Variants in ABCB5 observed in about 807,000 individuals in gnomAD.
ABCB5 encodes the protein ATP binding cassette subfamily B member 5.
ABCB5 carries 155 observed loss-of-function variants against 144.2 expected under a neutral mutation model. The observed-to-expected ratio is 1.08, with a 90% CI of 0.94 to 1.23. ABCB5 has a LOEUF of 1.23. ABCB5 is among the 50% of genes most tolerant of loss of function. The pLI is 0.00. For synonymous variants in ABCB5, 610 were observed against 528.6 expected, an observed-to-expected ratio of 1.15 and a Z score of -2.11; for missense variants, 1,830 against 1,520.8, an observed-to-expected ratio of 1.20 and a Z score of -3.38.
At chr7:20,672,101 T>A (rs1785471110) in intron 14 of ABCB5, among the ~76,000 whole-genome samples, 1 of 152,180 alleles carries the variant, frequency 6.6e-6, no homozygotes, top group Admixed American at 6.5e-5. Flanking sequence ...ACCATCCACA[T>A]TTTTTTCTTT....
At chr7:20,677,793 T>C (rs1462840322) in intron 14 of ABCB5, among the ~76,000 whole-genome samples, 2 of 152,196 alleles carry the variant, frequency 1.3e-5, no homozygotes, top group Non-Finnish European at 2.9e-5. Flanking sequence ...CTAGTCCCGC[T>C]GTTTAAATGA....
chr7:20,746,211 C>T (rs1357014526), intron 26 of ABCB5, among the ~76,000 whole-genome samples: 2 of 152,168 alleles, frequency 1.3e-5, no homozygotes, highest in African/African-American at 4.8e-5. Flanking sequence ...AATTCTCCTG[C>T]CTCAGCCTCC....
Position 20,623,289 on chromosome 7 carries a change from G to A in ABCB5, c.4G>A (p.Glu2Lys). 1 of 1,542,194 alleles carries A rather than the reference G, an allele frequency of 6.5e-7. No homozygotes were observed. Among genetic ancestry groups the A allele is most frequent in the Non-Finnish European group, 8.8e-7 (1 of 1,138,242 alleles). M[E>K]NSERAEEMQE... ...GAAGAAGTAAATTGTAAATAAGATG[G>A]AAAATTCAGAAAGAGCTGAAGAAAT... The change falls in exon 2 of 28, where the codon GAA becomes AAA. Residue 2 changes from glutamate to lysine, a missense_variant. Glu to Lys is a moderately conservative substitution (Grantham distance 56). Transcript: ENST00000404938.
At chr7:20,624,787 G>A (rs1783871942) in intron 2 of ABCB5, among the ~76,000 whole-genome samples, 1 of 152,264 alleles carries the variant, frequency 6.6e-6, no homozygotes. Flanking sequence ...AACCAGCAAC[G>A]GGCACGCTAG....
intron 20 of ABCB5, among the ~76,000 whole-genome samples, chr7:20,709,616 C>T (rs912659550): frequency 6.7e-6 from 1 of 149,914 alleles, no homozygotes; most frequent in Non-Finnish European, 1.5e-5. Context: ...TAAAGTGTAA[C>T]AGTACAGCAA....
At chr7:20,693,453 G>C (rs1786301181) in intron 16 of ABCB5, among the ~76,000 whole-genome samples, 1 of 152,084 alleles carries the variant, frequency 6.6e-6, no homozygotes, top group Admixed American at 6.6e-5. Context: ...AAAGTGGTCT[G>C]GGAAACCTTG....
At position 20,660,449 on chromosome 7, in the gene ABCB5, A is replaced by G. The variant is rs1325142489; in HGVS notation, c.1707+1773A>G. The G allele has an allele frequency of 6.2e-6, 6 of 961,516 alleles. No individual in the cohort carries two copies. In the African/African-American group the frequency reaches 1.1e-4, roughly 17 times the overall value. The allele number at this position is 961,516 out of a possible 1,614,324, so 59.6% of individuals were successfully genotyped here. Reference sequence around the variant, plus strand: ...TGGGTCAGGATAAAGGGTAACCAATAGGATGAAAAGTAGCACAGTAAACTA... The same window carrying G: ...TGGGTCAGGATAAAGGGTAACCAATGGGATGAAAAGTAGCACAGTAAACTA... On this transcript the variant is annotated intron_variant, in intron 14 of 27. Coordinates refer to ENST00000404938, the MANE Select transcript of ABCB5 (RefSeq NM_001163941.2).
At chr7:20,635,586 A>G (rs1259193606) in intron 5 of ABCB5, among the ~76,000 whole-genome samples, 1 of 151,948 alleles carries the variant, frequency 6.6e-6, no homozygotes, top group Non-Finnish European at 1.5e-5. Context: ...AATTCCTCTC[A>G]TTGATGTTTT....
chr7:20,643,587 A>T lies in ABCB5; in HGVS notation c.633A>T (p.Leu211=). 2 of 1,613,940 alleles carry T rather than the reference A, an allele frequency of 1.2e-6. No individual in the cohort carries two copies. Among genetic ancestry groups the T allele is most frequent in the Non-Finnish European group, 1.7e-6 (2 of 1,179,880 alleles). ...GCTGGAAACTCACCCTAGTGACTCT[A>T]TCCACGTCTCCTCTTATAATGGCTT... ...VKGWKLTLVT[L]STSPLIMASA... The change falls in exon 7 of 28, where the codon CTA becomes CTT. Residue 211 remains leucine, a synonymous_variant. Transcript: ENST00000404938.
chr7:20,665,987 T>G (rs1285426576), intron 14 of ABCB5, among the ~76,000 whole-genome samples: 1 of 150,878 alleles, frequency 6.6e-6, no homozygotes, highest in Admixed American at 6.6e-5. Flanking sequence ...CTGACCAACA[T>G]GGAGAAACCC....
At chr7:20,693,447 T>C (rs1228229736) in intron 16 of ABCB5, among the ~76,000 whole-genome samples, 1 of 152,156 alleles carries the variant, frequency 6.6e-6, no homozygotes, top group Non-Finnish European at 1.5e-5. Context: ...TAACAGAAAG[T>C]GGTCTGGGAA....
At chr7:20,694,953 C>A (rs946454159) in intron 16 of ABCB5, among the ~76,000 whole-genome samples, 5 of 151,838 alleles carry the variant, frequency 3.3e-5, no homozygotes, top group Admixed American at 1.3e-4. Flanking sequence ...GAAAAATAGA[C>A]TAAATAAATT....
chr7:20,639,678 T>G (rs941090785), intron 5 of ABCB5, among the ~76,000 whole-genome samples: 1 of 152,234 alleles, frequency 6.6e-6, no homozygotes, highest in Non-Finnish European at 1.5e-5. Context: ...CCGTTTCTGT[T>G]CTCTAGGCTC....
chr7:20,730,239 G>A (rs985913632), intron 23 of ABCB5, among the ~76,000 whole-genome samples: 7 of 152,242 alleles, frequency 4.6e-5, no homozygotes, highest in Non-Finnish European at 8.8e-5. Context: ...GCTGGATGTG[G>A]TGGCTCATGC....
intron 13 of ABCB5, among the ~76,000 whole-genome samples, chr7:20,652,402 T>C (rs1405719714): frequency 2.0e-5 from 3 of 152,134 alleles, no homozygotes; most frequent in Non-Finnish European, 4.4e-5. Flanking sequence ...AATTCATCTC[T>C]ACTAAAAAGA....
intron 16 of ABCB5, among the ~76,000 whole-genome samples, chr7:20,696,863 T>A (rs1465151318): frequency 6.6e-6 from 1 of 152,164 alleles, no homozygotes; most frequent in Non-Finnish European, 1.5e-5. Context: ...AAATCTTTTA[T>A]TGTGTATTTT....
At position 20,643,276 on chromosome 7, in the gene ABCB5, C is replaced by G; in HGVS notation, c.407C>G (p.Thr136Ser). 6.2e-7 allele frequency: 1 copy of G among 1,613,874 alleles called. No homozygotes were observed. ...SLWIITAARQ[T>S]KRIRKQFFHS... is the part of the protein sequence containing the mutation. ...TGGATTATAACTGCAGCACGACAGA[C>G]CAAGAGGATTCGAAAACAGTTTTTT... is the stretch of plus-strand genomic sequence containing the variant. The change falls in exon 6 of 28, where the codon ACC (threonine) becomes AGC (serine). Residue 136 changes from threonine to serine, a missense_variant. Thr to Ser is a moderately conservative substitution (Grantham distance 58). Coordinates refer to ENST00000404938, the MANE Select transcript of ABCB5 (RefSeq NM_001163941.2).
chr7:20,740,964 T>C (rs1261666381), intron 24 of ABCB5, among the ~76,000 whole-genome samples: 2 of 151,306 alleles, frequency 1.3e-5, no homozygotes, highest in Non-Finnish European at 2.9e-5. Context: ...AAAATTAGGG[T>C]GTGGGGGCAA....
At chr7:20,621,912 C>A (rs1783813120) in intron 1 of ABCB5, among the ~76,000 whole-genome samples, 1 of 152,142 alleles carries the variant, frequency 6.6e-6, no homozygotes, top group South Asian at 2.1e-4. Context: ...ACCAGGTATA[C>A]AGACACTATG....
Sources: allele counts gnomAD v4.1 joint callset (sites outside exome capture counted in the v4.1 genomes callset), GRCh38; gene constraint gnomAD v4.1.1; transcripts MANE v1.5; gene names NCBI Gene and HGNC (gene_info 2026-07-23, HGNC 2026-07-21).